Variants in MS4A7 observed in about 807,000 individuals in gnomAD.
The protein encoded by MS4A7 is membrane-spanning 4-domains subfamily A member 7.
MS4A7 carries 21 observed loss-of-function variants against 23.5 expected under a neutral mutation model. The ratio of observed to expected loss-of-function variants is 0.89; its 90% CI spans 0.63 to 1.29. The LOEUF (loss-of-function observed/expected upper bound fraction) is 1.29, where lower values mean the gene tolerates loss of function less well. MS4A7 is among the 50% of genes most tolerant of loss of function. MS4A7 has a pLI of 0.00. For synonymous variants in MS4A7, 111 were observed against 107.4 expected, an observed-to-expected ratio of 1.03 and a Z score of -0.21; for missense variants, 263 against 274.2, an observed-to-expected ratio of 0.96 and a Z score of 0.29.
At position 60,393,660 on chromosome 11, in the gene MS4A7, A is replaced by G; in HGVS notation, c.649-127A>G. On this transcript the variant is annotated intron_variant, in intron 6 of 6. Coordinates refer to ENST00000300184, the MANE Select transcript of MS4A7 (RefSeq NM_021201.5). ...ATTATTTTTAATTAATATTGCTGCA[A>G]TTACATATTATGGCAAAGTTGGAAG... is the stretch of plus-strand genomic sequence containing the variant. 3.2e-5 allele frequency: 17 copies of G among 530,198 alleles called. No individual in the cohort carries two copies. The South Asian group carries it at 5.7e-4, about 18-fold the overall frequency. 32.8% of individuals were successfully genotyped at this position (530,198 alleles called of 1,614,324 possible).
intron 4 of MS4A7, among the ~76,000 whole-genome samples, chr11:60,387,998 C>A (rs1228150134): frequency 6.6e-6 from 1 of 152,200 alleles, no homozygotes; most frequent in African/African-American, 2.4e-5. Flanking sequence ...CCAGCACATG[C>A]TCCTCTCTGT....
chr11:60,389,685 G>T, intron 5 of MS4A7, 89 bp downstream of exon 5: 1 of 1,331,090 alleles, frequency 7.5e-7, no homozygotes, highest in Non-Finnish European at 1.1e-6. Flanking sequence ...GTCTCTGGTT[G>T]GTCGGTCCGA....
rs141994334 is a variant in MS4A7 at position 60,382,059 on chromosome 11, C to G, written c.-13-1070C>G. 5.7e-3 allele frequency among the ~76,000 whole-genome samples: 874 copies of G among 152,314 alleles called. 14 individuals are homozygous for G. Among genetic ancestry groups the G allele is most frequent in the African/African-American group, 0.02 (839 of 41,558 alleles). On this transcript the variant is annotated intron_variant, in intron 1 of 6. Coordinates refer to ENST00000300184, the MANE Select transcript of MS4A7 (RefSeq NM_021201.5). ...GTGGCACCTTTCAAGGATGACAAGC[C>G]TTTAACTAAACTCTGGCCTTCAGTA...
chr11:60,381,079 A>C (rs1037710495), intron 1 of MS4A7, among the ~76,000 whole-genome samples: 5 of 152,228 alleles, frequency 3.3e-5, no homozygotes, highest in Non-Finnish European at 7.3e-5. Context: ...CTCTTAATAG[A>C]ATGCCACATT....
At chr11:60,383,391 G>A in intron 2 of MS4A7, 103 bp downstream of exon 2, 1 of 1,369,460 alleles carries the variant, frequency 7.3e-7, no homozygotes, top group Admixed American at 2.1e-5. Flanking sequence ...ACTCTTTTCT[G>A]GCTGACTCCA....
At chr11:60,382,203 G>T (rs1384243234) in intron 1 of MS4A7, among the ~76,000 whole-genome samples, 1 of 152,172 alleles carries the variant, frequency 6.6e-6, no homozygotes, top group Non-Finnish European at 1.5e-5. Flanking sequence ...CTTGCTCCTG[G>T]AATCTACAAG....
At chr11:60,388,265 C>T (rs971653726) in intron 4 of MS4A7, among the ~76,000 whole-genome samples, 2 of 152,176 alleles carry the variant, frequency 1.3e-5, no homozygotes, top group South Asian at 4.1e-4. Flanking sequence ...TTTGGGAAGC[C>T]ACTTCTGAGA....
chr11:60,390,947 G>A (rs574856356), intron 5 of MS4A7, among the ~76,000 whole-genome samples: 3 of 152,240 alleles, frequency 2.0e-5, no homozygotes, highest in Admixed American at 2.0e-4. Flanking sequence ...GATGACTTAG[G>A]TTCCAGAAGC....
intron 1 of MS4A7, among the ~76,000 whole-genome samples, chr11:60,382,196 G>A (rs2085437699): frequency 6.6e-6 from 1 of 152,220 alleles, no homozygotes; most frequent in Non-Finnish European, 1.5e-5. Context: ...CAGACAACTT[G>A]CTCCTGGAAT....
rs746618056 is a variant in MS4A7 at position 60,389,510 on chromosome 11, G to T, written c.460G>T (p.Asp154Tyr). The T allele has an allele frequency of 6.2e-7, 1 of 1,614,096 alleles. No individual in the cohort carries two copies. Among genetic ancestry groups the T allele is most frequent in the Non-Finnish European group, 8.5e-7 (1 of 1,179,946 alleles). The stretch of plus-strand genomic sequence containing the variant: ...CTCTCAACATTGTGGCTCAGAAATG[G>T]ATTATCTATCCTCATTGCCTTATTC... ...TASQHCGSEM[D>Y]YLSSLPYSEY... Residue 154 changes from aspartate to tyrosine, a missense_variant, in exon 5 of 7, where the codon GAT (aspartate) becomes TAT (tyrosine). Physicochemically the swap from Asp to Tyr is radical, Grantham distance 160. Coordinates refer to ENST00000300184, the MANE Select transcript of MS4A7 (RefSeq NM_021201.5).
At position 60,389,748 on chromosome 11, in the gene MS4A7, TCTGCTGA is replaced by T. The variant is rs532206951; in HGVS notation, c.546+157_546+163del. 908 of 682,206 alleles carry T rather than the reference TCTGCTGA, an allele frequency of 1.3e-3. 15 individuals carry two copies. The highest frequency in any genetic ancestry group is 0.013 in the South Asian group (777 of 60,032). 42.3% of individuals were successfully genotyped at this position (682,206 alleles called of 1,614,324 possible). Reference sequence around the variant, plus strand: ...AAAACTTGTGGTTGGAAGAGGCCTGTCTGCTGACTGCATGGTGTGGGGGATGTACTAT... The same window carrying T: ...AAAACTTGTGGTTGGAAGAGGCCTGTCTGCATGGTGTGGGGGATGTACTAT... On this transcript the variant is annotated intron_variant, in intron 5 of 6. Transcript: ENST00000300184.
intron 4 of MS4A7, 102 bp downstream of exon 4, chr11:60,386,875 A>G: frequency 9.3e-7 from 1 of 1,079,398 alleles, no homozygotes; most frequent in East Asian, 2.5e-5. Context: ...TAGAGAGAAA[A>G]AGCTTAGAAC....
rs1418012061 is a variant in MS4A7 at position 60,389,375 on chromosome 11, G to A, written c.340-15G>A. 2 of 1,596,814 alleles carry A rather than the reference G, an allele frequency of 1.3e-6. No individual in the cohort carries two copies. The highest frequency in any genetic ancestry group is 3.4e-5 in the Admixed American group (2 of 58,760). On this transcript the variant is annotated splice_polypyrimidine_tract_variant and intron_variant, in intron 4 of 6. Transcript: ENST00000300184. Reference sequence around the variant, plus strand: ...GATTCTGTGATGAGAACCCAATGCAGAGTTTCTCTTCCAGGACCTGAGCAG... The same window carrying A: ...GATTCTGTGATGAGAACCCAATGCAAAGTTTCTCTTCCAGGACCTGAGCAG...
chr11:60,389,168 T>C (rs2085521954), intron 4 of MS4A7: 1 of 541,132 alleles, frequency 1.8e-6, no homozygotes, highest in Admixed American at 3.3e-5. Flanking sequence ...GGAGGAATTA[T>C]CCATGCATTT....
At chr11:60,381,647 G>T (rs1383564776) in intron 1 of MS4A7, among the ~76,000 whole-genome samples, 3 of 152,178 alleles carry the variant, frequency 2.0e-5, no homozygotes, top group Non-Finnish European at 4.4e-5. Context: ...TCAGAACTGG[G>T]CTTCCAATGA....
At chr11:60,383,806 G>A (rs893103117) in intron 2 of MS4A7, 1 of 152,160 alleles carries the variant, frequency 6.6e-6, no homozygotes, top group African/African-American at 2.4e-5. Flanking sequence ...CCAAAGTGCT[G>A]GGATTACAGG....
chr11:60,379,114 G>C (rs150920031), intron 1 of MS4A7, among the ~76,000 whole-genome samples: 101 of 152,354 alleles, frequency 6.6e-4, no homozygotes, highest in African/African-American at 2.2e-3. Context: ...TCCTCAAGGC[G>C]AATGTGGAAG....
In MS4A7 at chr11:60,394,054, AT is replaced by A. The variant is rs1234698431; in HGVS notation, c.*194del. The A allele has an allele frequency of 2.4e-6, 1 of 409,962 alleles. No homozygotes were observed. The highest frequency in any genetic ancestry group is 2.1e-5 in the African/African-American group (1 of 47,786). The allele number at this position is 409,962 out of a possible 1,614,324, so 25.4% of individuals were successfully genotyped here. ...AATAATTTCCTCAAAGCCCAAGTCA[AT>A]AAATGTTATCAGCCAGTCTTCCAAA... On this transcript the variant is annotated 3_prime_UTR_variant, in exon 7 of 7. Transcript: ENST00000300184.
chr11:60,389,350 G>A (rs1450198091), intron 4 of MS4A7, 40 bp from the exon 5 acceptor site: 1 of 1,534,830 alleles, frequency 6.5e-7, no homozygotes, highest in East Asian at 2.2e-5. Context: ...GTCACGTGCT[G>A]ATTCTGTGAT....
Sources: gnomAD v4.1 joint callset for allele counts (sites outside exome capture counted in the v4.1 genomes callset) on GRCh38, gnomAD v4.1.1 for gene constraint, MANE v1.5 for transcripts, NCBI Gene and HGNC (gene_info 2026-07-23, HGNC 2026-07-21) for gene names.